The following KHDRBS2 variants were observed in gnomAD, a reference collection of about 807,000 sequenced individuals.
KHDRBS2 encodes KH RNA binding domain containing, signal transduction associated 2, also known as KH domain-containing, RNA-binding, signal transduction-associated protein 2.
Under a neutral mutation model 44.3 loss-of-function variants are expected in KHDRBS2, and 26 were observed. The ratio of observed to expected loss-of-function variants is 0.59; its 90% confidence interval spans 0.43 to 0.81. The LOEUF (loss-of-function observed/expected upper bound fraction) is 0.81. Ranked by LOEUF, KHDRBS2 falls within the 40% of genes least tolerant of loss-of-function variation. The probability of loss-of-function intolerance (pLI) is 0.00; values close to 1 mark genes in which losing one functional copy is unlikely to be tolerated. For missense variants in KHDRBS2, 476 were observed against 433.1 expected, an observed-to-expected ratio of 1.10 and a Z score of -0.88; for synonymous variants, 194 against 151.1, an observed-to-expected ratio of 1.28 and a Z score of -2.08.
chr6:62,052,396 C>A (rs1490240367), intron 2 of KHDRBS2, among the ~76,000 whole-genome samples: 1 of 151,338 alleles, frequency 6.6e-6, no homozygotes, highest in Non-Finnish European at 1.5e-5. Flanking sequence ...TATGGATGAT[C>A]TCATTTATAT....
chr6:61,817,857 G>T (rs761376872), intron 6 of KHDRBS2, among the ~76,000 whole-genome samples: 12 of 151,954 alleles, frequency 7.9e-5, no homozygotes, highest in Non-Finnish European at 1.6e-4. Flanking sequence ...TGAATAAATT[G>T]AACAGGAAAT....
At chr6:61,822,054 A>C (rs1340175287) in intron 6 of KHDRBS2, among the ~76,000 whole-genome samples, 1 of 151,996 alleles carries the variant, frequency 6.6e-6, no homozygotes, top group Non-Finnish European at 1.5e-5. Context: ...CTCAGAAACA[A>C]AATTACCTGA....
chr6:61,912,933 C>A (rs762676862), intron 4 of KHDRBS2, among the ~76,000 whole-genome samples: 1 of 152,122 alleles, frequency 6.6e-6, no homozygotes, highest in Admixed American at 6.6e-5. Context: ...GCAACCACAA[C>A]GCCTGCTCTC....
chr6:62,049,321 AC>A (rs1788449797), intron 2 of KHDRBS2, among the ~76,000 whole-genome samples: 1 of 151,944 alleles, frequency 6.6e-6, no homozygotes, highest in South Asian at 2.1e-4. Flanking sequence ...AAAAAAGGAA[AC>A]AAAAAAAAAC....
At chr6:61,782,746 C>T (rs1229097476) in intron 6 of KHDRBS2, among the ~76,000 whole-genome samples, 1 of 135,164 alleles carries the variant, frequency 7.4e-6, no homozygotes, top group African/African-American at 2.7e-5. Context: ...TATACACACA[C>T]ACATATACAT....
the KHDRBS2 span, among the ~76,000 whole-genome samples, chr6:61,612,678 A>T: frequency 6.6e-6 from 1 of 152,130 alleles, no homozygotes; most frequent in Non-Finnish European, 1.5e-5. Context: ...TTATTTCAAA[A>T]ATTCTATTAA....
chr6:62,132,579 C>T (rs9351695), intron 2 of KHDRBS2, among the ~76,000 whole-genome samples: 77,323 of 151,906 alleles, frequency 0.51, 20,037 homozygotes, highest in Non-Finnish European at 0.55. Context: ...TTGAAGCCTG[C>T]GTATCTGGAA....
chr6:62,240,899 T>C (rs78025560), intron 1 of KHDRBS2, among the ~76,000 whole-genome samples: 170 of 151,678 alleles, frequency 1.1e-3, no homozygotes, highest in African/African-American at 3.9e-3. Context: ...TCTATCTCCA[T>C]AGGACACAAC....
intron 6 of KHDRBS2, among the ~76,000 whole-genome samples, chr6:61,825,409 C>A (rs1429059239): frequency 6.6e-6 from 1 of 152,090 alleles, no homozygotes; most frequent in Non-Finnish European, 1.5e-5. Context: ...CATGCTTAAT[C>A]CTCTAATATA....
chr6:61,959,115 G>A (rs533954709), intron 4 of KHDRBS2, among the ~76,000 whole-genome samples: 16 of 152,154 alleles, frequency 1.1e-4, no homozygotes, highest in East Asian at 7.7e-4. Context: ...CATCTTTCCC[G>A]GTTTCCAGCC....
chr6:61,862,874 G>T (rs1385840239), intron 6 of KHDRBS2, among the ~76,000 whole-genome samples: 3 of 151,946 alleles, frequency 2.0e-5, no homozygotes, highest in Non-Finnish European at 2.9e-5. Context: ...CAATTTTTTT[G>T]GAATAGTTTT....
chr6:61,948,630 G>A (rs1251944132), intron 4 of KHDRBS2, among the ~76,000 whole-genome samples: 1 of 147,990 alleles, frequency 6.8e-6, no homozygotes, highest in Non-Finnish European at 1.5e-5. Context: ...AAAAATAATT[G>A]TGTTGATAAG....
intron 8 of KHDRBS2, among the ~76,000 whole-genome samples, chr6:61,686,986 G>T (rs565379875): frequency 6.6e-6 from 1 of 151,790 alleles, no homozygotes; most frequent in South Asian, 2.1e-4. Context: ...CAAATCCAAA[G>T]TGGAATGCAG....
At chr6:61,707,700 T>A (rs1284049633) in intron 7 of KHDRBS2, among the ~76,000 whole-genome samples, 1 of 151,656 alleles carries the variant, frequency 6.6e-6, no homozygotes, top group Middle Eastern at 3.2e-3. Context: ...AAGCTAGTAT[T>A]AATACTAATA....
At chr6:61,714,129 A>T (rs1426758591) in intron 7 of KHDRBS2, among the ~76,000 whole-genome samples, 1 of 151,970 alleles carries the variant, frequency 6.6e-6, no homozygotes, top group South Asian at 2.1e-4. Context: ...GGGAGAAAAT[A>T]TTTTAAAACT....
intron 6 of KHDRBS2, among the ~76,000 whole-genome samples, chr6:61,866,463 C>T (rs1367811592): frequency 2.0e-5 from 3 of 152,026 alleles, no homozygotes; most frequent in Admixed American, 2.0e-4. Flanking sequence ...GGGACACTGG[C>T]CCTCTGGGCC....
In KHDRBS2 at chr6:62,277,486, C is replaced by T. The variant is rs537566283; in HGVS notation, c.91+8372G>A. Among the ~76,000 whole-genome samples, 9 of 152,120 alleles carry T rather than the reference C, an allele frequency of 5.9e-5. No homozygotes were observed. In the South Asian group the frequency reaches 6.2e-4, roughly 11 times the overall value. On this transcript the variant is annotated intron_variant, in intron 1 of 8. Coordinates refer to ENST00000281156, the MANE Select transcript of KHDRBS2 (RefSeq NM_152688.4). Reference sequence around the variant, plus strand: ...CCTCCCGAGTAGCTGGGACTACAGGCGCCCGCCACCACGCCTGGCTAATTT... The same window carrying T: ...CCTCCCGAGTAGCTGGGACTACAGGTGCCCGCCACCACGCCTGGCTAATTT...
chr6:61,624,226 C>A, the KHDRBS2 span, among the ~76,000 whole-genome samples: 5 of 152,278 alleles, frequency 3.3e-5, no homozygotes, highest in South Asian at 1.0e-3. Context: ...TTTTCATTGA[C>A]CCTCCAGAGA....
chr6:62,277,189 A>G (rs1455734321), intron 1 of KHDRBS2, among the ~76,000 whole-genome samples: 1 of 152,024 alleles, frequency 6.6e-6, no homozygotes, highest in Non-Finnish European at 1.5e-5. Flanking sequence ...CCATATACTT[A>G]TTTATATCAT....
Sources: allele counts gnomAD v4.1 joint callset (sites outside exome capture counted in the v4.1 genomes callset), GRCh38; gene constraint gnomAD v4.1.1; transcripts MANE v1.5; gene names NCBI Gene and HGNC (gene_info 2026-07-23, HGNC 2026-07-21).